NEURL1: variants seen among roughly 807,000 people sequenced by gnomAD.
NEURL1 encodes the protein E3 ubiquitin-protein ligase NEURL1.
NEURL1 carries 26 observed loss-of-function variants against 41.2 expected under a neutral mutation model. The observed-to-expected ratio is 0.63, with a 90% CI of 0.46 to 0.87. The LOEUF is 0.87. Among genes scored for constraint, NEURL1 ranks in the 40% least tolerant of loss-of-function variants. NEURL1 has a pLI of 0.00. For synonymous variants in NEURL1, 400 were observed against 402.3 expected, an observed-to-expected ratio of 0.99 and a Z score of 0.07; for missense variants, 761 against 871.1, an observed-to-expected ratio of 0.87 and a Z score of 1.59.
chr10:103,503,577 A>G (rs1172886414), intron 1 of NEURL1, among the ~76,000 whole-genome samples: 2 of 152,050 alleles, frequency 1.3e-5, no homozygotes, highest in South Asian at 2.1e-4. Context: ...TTGTTAAACT[A>G]AGCATCAGCT....
chr10:103,539,954 A>G (rs763013088), intron 1 of NEURL1, among the ~76,000 whole-genome samples: 3 of 152,224 alleles, frequency 2.0e-5, no homozygotes, highest in East Asian at 1.9e-4. Context: ...ATTTCAGACT[A>G]TGAAGCAACC....
rs370910732 is a variant in NEURL1 at position 103,584,963 on chromosome 10, G to T, written c.1077G>T (p.Thr359=). 398 of 1,515,898 alleles carry T rather than the reference G, an allele frequency of 2.6e-4. 2 individuals are homozygous for T. Among genetic ancestry groups the T allele is most frequent in the South Asian group, 3.8e-4 (31 of 81,444 alleles). The allele number at this position is 1,515,898 out of a possible 1,614,324, so 93.9% of individuals were successfully genotyped here. ...RPGALSFGVT[T]CDPGTLRPAD... is the part of the protein sequence containing the mutation. ...GCGCGCTGTCGTTCGGCGTCACCAC[G>T]TGCGACCCCGGCACGCTGCGGCCGG... The change falls in exon 4 of 6, where the codon ACG becomes ACT. Residue 359 remains threonine (T), a synonymous_variant. Coordinates refer to ENST00000369780, the MANE Select transcript of NEURL1 (RefSeq NM_004210.5).
intron 4 of NEURL1, among the ~76,000 whole-genome samples, chr10:103,586,331 T>G (rs1018324091): frequency 6.6e-6 from 1 of 152,106 alleles, no homozygotes; most frequent in African/African-American, 2.4e-5. Flanking sequence ...TTGAACCAGC[T>G]CTGTGAGACT....
intron 1 of NEURL1, among the ~76,000 whole-genome samples, chr10:103,511,581 G>T (rs2034072935): frequency 6.6e-6 from 1 of 152,228 alleles, no homozygotes; most frequent in African/African-American, 2.4e-5. Context: ...TTGAGGTAAT[G>T]CTTGACTAGT....
intron 1 of NEURL1, among the ~76,000 whole-genome samples, chr10:103,495,115 C>T (rs2033651879): frequency 6.6e-6 from 1 of 152,148 alleles, no homozygotes; most frequent in Non-Finnish European, 1.5e-5. Context: ...TGTCTTTGCT[C>T]TTCACCTCCC....
intron 1 of NEURL1, among the ~76,000 whole-genome samples, chr10:103,506,256 G>A (rs1269065584): frequency 1.3e-5 from 2 of 152,228 alleles, no homozygotes; most frequent in Admixed American, 1.3e-4. Context: ...TCCAGGGCAT[G>A]GGGCAGTCCA....
At chr10:103,529,686 T>G (rs557350819) in intron 1 of NEURL1, among the ~76,000 whole-genome samples, 2 of 152,314 alleles carry the variant, frequency 1.3e-5, no homozygotes, top group Admixed American at 1.3e-4. Flanking sequence ...AGAAATCAAA[T>G]AGAGAGAAAG....
chr10:103,548,140 T>G (rs1297299460), intron 1 of NEURL1, among the ~76,000 whole-genome samples: 2 of 152,194 alleles, frequency 1.3e-5, no homozygotes, highest in Non-Finnish European at 2.9e-5. Context: ...GATAAGGGAC[T>G]GTTTAATCTA....
Position 103,508,495 on chromosome 10 carries a change from T to C in NEURL1, c.85+14023T>C, listed in dbSNP as rs1443216131. 6.6e-6 allele frequency among the ~76,000 whole-genome samples: 1 copy of C among 152,110 alleles called. No individual in the cohort carries two copies. The highest frequency in any genetic ancestry group is 2.4e-5 in the African/African-American group (1 of 41,414). ...AAGGCAGACCTTGGACTCAATGGAG[T>C]GCCAGCCCTGTCTGGGTGGACAGAC... is the stretch of plus-strand genomic sequence containing the variant. On this transcript the variant is annotated intron_variant, in intron 1 of 5. Transcript: ENST00000369780. This position sits in a 1 kb window ranked among gnomAD's most constrained non-coding sequence, Gnocchi z 4.3.
chr10:103,573,519 C>A (rs144324586), intron 3 of NEURL1, among the ~76,000 whole-genome samples: 1 of 152,190 alleles, frequency 6.6e-6, no homozygotes, highest in Non-Finnish European at 1.5e-5. Context: ...CAGTTCTTCA[C>A]TCAGGGCTCA....
chr10:103,526,313 A>T (rs1234155229), intron 1 of NEURL1, among the ~76,000 whole-genome samples: 1 of 152,128 alleles, frequency 6.6e-6, no homozygotes, highest in Non-Finnish European at 1.5e-5. Flanking sequence ...AAGAATTGGC[A>T]TTAGTTTTTC....
Position 103,584,948 on chromosome 10 carries a change from G to A in NEURL1, c.1062G>A (p.Ser354=). 1 of 1,503,766 alleles carries A rather than the reference G, an allele frequency of 6.6e-7. No homozygotes were observed. The highest frequency in any genetic ancestry group is 2.7e-5 in the East Asian group (1 of 37,200). 93.2% of individuals were successfully genotyped at this position (1,503,766 alleles called of 1,614,324 possible). A position where few individuals can be genotyped will look rare whatever the true frequency, so the allele number is the denominator to read the frequency against. ...RSGGARPGAL[S]FGVTTCDPGT... ...GTGGCGCGCGGCCCGGCGCGCTGTC[G>A]TTCGGCGTCACCACGTGCGACCCCG... is the stretch of plus-strand genomic sequence containing the variant. The change falls in exon 4 of 6, where the codon TCG becomes TCA. Residue 354 remains serine (S), a synonymous_variant. Coordinates refer to ENST00000369780, the MANE Select transcript of NEURL1 (RefSeq NM_004210.5).
Position 103,590,471 on chromosome 10 carries a change from G to A in NEURL1, c.*99G>A, listed in dbSNP as rs1012809637. ...TGGGGCCCCTTCTCTTCCTCATTTTGGAAACTTTTCCTCCTCTATTAAACA... is the reference window on the plus strand; with the variant it reads ...TGGGGCCCCTTCTCTTCCTCATTTTAGAAACTTTTCCTCCTCTATTAAACA... On this transcript the variant is annotated 3_prime_UTR_variant, in exon 6 of 6. Coordinates refer to ENST00000369780, the MANE Select transcript of NEURL1 (RefSeq NM_004210.5). The A allele has an allele frequency of 2.1e-6, 2 of 948,440 alleles. No individual in the cohort carries two copies. Among genetic ancestry groups the A allele is most frequent in the African/African-American group, 3.3e-5 (2 of 61,244 alleles). 58.8% of individuals were successfully genotyped at this position (948,440 alleles called of 1,614,324 possible). A position where few individuals can be genotyped will look rare whatever the true frequency, so the allele number is the denominator to read the frequency against.
intron 1 of NEURL1, among the ~76,000 whole-genome samples, chr10:103,523,625 G>A (rs919328506): frequency 1.3e-5 from 2 of 151,958 alleles, no homozygotes; most frequent in African/African-American, 4.8e-5. Flanking sequence ...CCCTGCCTCT[G>A]GTTACTATTC....
chr10:103,553,884 G>A (rs2035087905), intron 1 of NEURL1, among the ~76,000 whole-genome samples: 1 of 152,248 alleles, frequency 6.6e-6, no homozygotes, highest in South Asian at 2.1e-4. Flanking sequence ...GGCCAGGGAG[G>A]ATGGTGCTGT....
rs577275413 is a variant in NEURL1, at chr10:103,562,689, G to A, written c.86-8183G>A. Among the ~76,000 whole-genome samples, 78 of 152,306 alleles carry A rather than the reference G, an allele frequency of 5.1e-4. 1 individual carries two copies. The South Asian group carries it at 9.5e-3, about 19-fold the overall frequency. On this transcript the variant is annotated intron_variant, in intron 1 of 5. Transcript: ENST00000369780. ...TGCTTGGTGATGCGTCCTCTGTTAG[G>A]GGGCTGATGGGGTCCTCAAAGGTCC...
At chr10:103,553,262 A>T (rs1170605551) in intron 1 of NEURL1, among the ~76,000 whole-genome samples, 1 of 152,336 alleles carries the variant, frequency 6.6e-6, no homozygotes, top group East Asian at 1.9e-4. Context: ...CGCTCAGGGC[A>T]GTGTGGATCA....
At chr10:103,522,346 G>A (rs193252462) in intron 1 of NEURL1, among the ~76,000 whole-genome samples, 7 of 151,712 alleles carry the variant, frequency 4.6e-5, no homozygotes, top group Non-Finnish European at 8.8e-5. Context: ...GGTGGCTCAC[G>A]CCTGTAATCC....
intron 3 of NEURL1, among the ~76,000 whole-genome samples, chr10:103,576,365 C>G (rs934264899): frequency 2.0e-5 from 3 of 151,984 alleles, no homozygotes; most frequent in Non-Finnish European, 4.4e-5. Context: ...AGTAGGGGAG[C>G]AGATCCAGGA....
Sources: allele counts gnomAD v4.1 joint callset (sites outside exome capture counted in the v4.1 genomes callset), GRCh38; gene constraint gnomAD v4.1.1; non-coding constraint Gnocchi (gnomAD v3.1); transcripts MANE v1.5; gene names NCBI Gene and HGNC (gene_info 2026-07-23, HGNC 2026-07-21).